PIK3C2G: variants seen among roughly 807,000 people sequenced by gnomAD.
PIK3C2G encodes phosphatidylinositol-4-phosphate 3-kinase catalytic subunit type 2 gamma, also known as phosphatidylinositol 3-kinase C2 domain-containing subunit gamma.
PIK3C2G carries 168 observed loss-of-function variants against 181.1 expected under a neutral mutation model. That is an observed-to-expected ratio of 0.93 (90% CI 0.82 to 1.05). The LOEUF (loss-of-function observed/expected upper bound fraction) is 1.05. Among genes scored for constraint, PIK3C2G ranks in the 50% least tolerant of loss-of-function variants. The pLI is 0.00. For missense variants in PIK3C2G, 1,869 were observed against 1,732.8 expected, an observed-to-expected ratio of 1.08 and a Z score of -1.40; for synonymous variants, 573 against 592.2, an observed-to-expected ratio of 0.97 and a Z score of 0.47.
chr12:18,431,189 T>C (rs187736852), intron 18 of PIK3C2G, among the ~76,000 whole-genome samples: 97 of 152,298 alleles, frequency 6.4e-4, no homozygotes, highest in African/African-American at 2.2e-3. Flanking sequence ...TCTCTTCTAA[T>C]ATGAAAATAT....
chr12:18,430,945 A>T (rs1565714738), intron 18 of PIK3C2G, among the ~76,000 whole-genome samples: 1 of 150,492 alleles, frequency 6.6e-6, no homozygotes, highest in African/African-American at 2.4e-5. Context: ...AAATCTGTCC[A>T]TTTTTTTTTT....
At chr12:18,494,045 T>G (rs980972036) in intron 20 of PIK3C2G, among the ~76,000 whole-genome samples, 1 of 152,212 alleles carries the variant, frequency 6.6e-6, no homozygotes, top group African/African-American at 2.4e-5. Context: ...TTTCAACTAA[T>G]TTTTAGATAT....
At chr12:18,524,651 C>T (rs1157319397) in intron 24 of PIK3C2G, among the ~76,000 whole-genome samples, 3 of 151,676 alleles carry the variant, frequency 2.0e-5, no homozygotes, top group Admixed American at 1.3e-4. Context: ...CTGCAACCTC[C>T]GCCTCCCAGG....
chr12:18,281,268 CAAAAA>C (rs59791930), intron 1 of PIK3C2G, among the ~76,000 whole-genome samples: 1 of 73,746 alleles, frequency 1.4e-5, no homozygotes, highest in Non-Finnish European at 2.6e-5. Flanking sequence ...GCATAATAGG[CAAAAA>C]AAAAAAAAAA....
chr12:18,603,207 T>C (rs12829855), intron 30 of PIK3C2G, among the ~76,000 whole-genome samples: 29,390 of 152,086 alleles, frequency 0.19, 2,797 homozygotes, highest in African/African-American at 0.21. Flanking sequence ...TTCAGACACA[T>C]TTTTAGAAAT....
chr12:18,250,789 T>G (rs184483853), intron 1 of PIK3C2G, among the ~76,000 whole-genome samples: 3 of 152,142 alleles, frequency 2.0e-5, no homozygotes, highest in Admixed American at 2.0e-4. Context: ...CAGGCTTACA[T>G]GAGAAATACC....
chr12:18,393,321 C>T lies in PIK3C2G; in HGVS notation c.2126+2069C>T, dbSNP rs1943656177. Among the ~76,000 whole-genome samples the T allele has an allele frequency of 2.0e-5, 3 of 152,120 alleles. No individual in the cohort carries two copies. In the South Asian group the frequency reaches 6.2e-4, roughly 32 times the overall value. ...CAGTGTGGTGCAGTTTTATTCTGGA[C>T]TGTGAAAATAGATGGAGAACAGCCT... On this transcript the variant is annotated intron_variant, in intron 15 of 32. Transcript: ENST00000538779.
intron 1 of PIK3C2G, among the ~76,000 whole-genome samples, chr12:18,272,184 G>A: frequency 6.6e-6 from 1 of 151,998 alleles, no homozygotes; most frequent in East Asian, 1.9e-4. Flanking sequence ...ATGTATTCCT[G>A]CTCCGTTTAT....
intron 11 of PIK3C2G, among the ~76,000 whole-genome samples, chr12:18,349,504 C>G (rs944169540): frequency 2.6e-5 from 4 of 152,074 alleles, no homozygotes; most frequent in Non-Finnish European, 5.9e-5. Context: ...AGGGAACACC[C>G]CACTCAAGCT....
At chr12:18,373,790 T>G (rs1375976299) in intron 13 of PIK3C2G, among the ~76,000 whole-genome samples, 1 of 151,918 alleles carries the variant, frequency 6.6e-6, no homozygotes, top group Non-Finnish European at 1.5e-5. Flanking sequence ...GAGGCAGAGC[T>G]TGCAGTGAGC....
intron 18 of PIK3C2G, among the ~76,000 whole-genome samples, chr12:18,457,368 A>G (rs1204444580): frequency 1.3e-5 from 2 of 152,196 alleles, no homozygotes; most frequent in East Asian, 3.9e-4. Flanking sequence ...GTGTACTAAT[A>G]ATTTAACAAT....
chr12:18,673,250 C>G, the PIK3C2G span, among the ~76,000 whole-genome samples: 1 of 152,048 alleles, frequency 6.6e-6, no homozygotes, highest in African/African-American at 2.4e-5. Context: ...AAAAACTGTT[C>G]TTCAGCTATC....
At chr12:18,287,309 T>C (rs1030128850) in intron 3 of PIK3C2G, among the ~76,000 whole-genome samples, 4 of 152,150 alleles carry the variant, frequency 2.6e-5, no homozygotes, top group African/African-American at 9.7e-5. Context: ...GACAGTCTAT[T>C]TAGAATCATC....
chr12:18,625,632 A>G (rs1358732732), intron 31 of PIK3C2G, among the ~76,000 whole-genome samples: 1 of 151,756 alleles, frequency 6.6e-6, no homozygotes, highest in Non-Finnish European at 1.5e-5. Context: ...GAAGTTCCCT[A>G]CCATTATTGT....
At chr12:18,353,992 C>A (rs1940474319) in intron 11 of PIK3C2G, among the ~76,000 whole-genome samples, 1 of 152,178 alleles carries the variant, frequency 6.6e-6, no homozygotes, top group Non-Finnish European at 1.5e-5. Flanking sequence ...ATTGATACTG[C>A]ATCTTTCATT....
At chr12:18,425,740 A>G (rs1945770292) in intron 18 of PIK3C2G, among the ~76,000 whole-genome samples, 1 of 152,142 alleles carries the variant, frequency 6.6e-6, no homozygotes, top group Non-Finnish European at 1.5e-5. Context: ...AGAGAAATGG[A>G]GAGAGAATTG....
the PIK3C2G span, among the ~76,000 whole-genome samples, chr12:18,691,503 A>T: frequency 3.9e-5 from 6 of 152,270 alleles, no homozygotes; most frequent in South Asian, 6.2e-4. Flanking sequence ...TTTAGTTAAC[A>T]TAAATATCTT....
chr12:18,297,379 C>T (rs1949986033), intron 5 of PIK3C2G, among the ~76,000 whole-genome samples: 1 of 151,908 alleles, frequency 6.6e-6, no homozygotes, highest in African/African-American at 2.4e-5. Context: ...TTCTCTACAG[C>T]TGTGGTTTCT....
chr12:18,535,221 A>C (rs1943782082), intron 24 of PIK3C2G, among the ~76,000 whole-genome samples: 1 of 152,044 alleles, frequency 6.6e-6, no homozygotes, highest in Admixed American at 6.6e-5. Flanking sequence ...TTCACATATG[A>C]AGTTTCTTTT....
Sources: gnomAD v4.1 joint callset for allele counts (sites outside exome capture counted in the v4.1 genomes callset) on GRCh38, gnomAD v4.1.1 for gene constraint, MANE v1.5 for transcripts, NCBI Gene and HGNC (gene_info 2026-07-23, HGNC 2026-07-21) for gene names.